PACRGL: variants seen among roughly 807,000 people sequenced by gnomAD.
The protein encoded by PACRGL is parkin coregulated like.
PACRGL carries 38 observed loss-of-function variants against 34.5 expected under a neutral mutation model. The ratio of observed to expected loss-of-function variants is 1.10; its 90% CI spans 0.85 to 1.44. The LOEUF (loss-of-function observed/expected upper bound fraction) is 1.44, where lower values mean the gene tolerates loss of function less well. Ranked by LOEUF, PACRGL falls within the 40% of genes most tolerant of loss-of-function variation. PACRGL has a pLI of 0.00. For missense variants in PACRGL, 305 were observed against 281.4 expected (o/e 1.08, Z -0.60); for synonymous variants, 128 against 100.1 (o/e 1.28, Z -1.66).
the PACRGL span, among the ~76,000 whole-genome samples, chr4:20,765,884 C>T: frequency 2.0e-5 from 3 of 152,142 alleles, no homozygotes; most frequent in African/African-American, 7.2e-5. Flanking sequence ...TCCTCTCAGG[C>T]CATGTGGGGA....
At chr4:20,734,064 T>C (rs1749012171), downstream of PACRGL, among the ~76,000 whole-genome samples, 1 of 152,186 alleles carries the variant, frequency 6.6e-6, no homozygotes. Context: ...TTCAACCCCA[T>C]TTGCAGCCTG....
At chr4:20,749,283 C>A (rs1753132315) in intron 8 of PACRGL, among the ~76,000 whole-genome samples, 2 of 152,104 alleles carry the variant, frequency 1.3e-5, no homozygotes, top group Admixed American at 1.3e-4. Context: ...TGCCTGTGTG[C>A]CCCACTTACT....
chr4:20,711,083 A>AG lies in PACRGL; in HGVS notation c.366+1310_366+1311insG, dbSNP rs1475617717. 1.4e-3 allele frequency among the ~76,000 whole-genome samples: 217 copies of AG among 152,092 alleles called. 2 individuals are homozygous for AG. The highest frequency in any genetic ancestry group is 2.0e-3 in the Non-Finnish European group (138 of 67,986). On this transcript the variant is annotated intron_variant, in intron 5 of 8. Coordinates refer to ENST00000503585, the MANE Select transcript of PACRGL (RefSeq NM_001258345.3). ...GCACAGTAGAGTGAGATGCTATCTC[A>AG]AACACACACACACACAAAATTAGTT...
chr4:20,741,752 A>C (rs1057227055), intron 8 of PACRGL, among the ~76,000 whole-genome samples: 3 of 152,208 alleles, frequency 2.0e-5, no homozygotes, highest in African/African-American at 7.2e-5. Context: ...AGACACAAAA[A>C]ACCCTTCAAA....
At chr4:20,718,209 A>G (rs1329066385) in intron 7 of PACRGL, among the ~76,000 whole-genome samples, 1 of 152,174 alleles carries the variant, frequency 6.6e-6, no homozygotes, top group Non-Finnish European at 1.5e-5. Flanking sequence ...TGAGTTGCTT[A>G]TCAGCTTAAG....
In PACRGL at chr4:20,731,999, T is replaced by G; in HGVS notation, c.*4658T>G. 1 of 1,613,202 alleles carries G rather than the reference T, an allele frequency of 6.2e-7. No individual in the cohort carries two copies. Among genetic ancestry groups the G allele is most frequent in the African/African-American group, 1.3e-5 (1 of 75,010 alleles). On this transcript the variant is annotated 3_prime_UTR_variant, in exon 9 of 9. Coordinates refer to ENST00000503585, the MANE Select transcript of PACRGL (RefSeq NM_001258345.3). ...GAATTGATAGTTATTACACTTTCAT[T>G]ACTTACTTTTTGGCAGCTTTCAATG...
Position 20,712,856 on chromosome 4 carries a change from CA to C in PACRGL, c.438del (p.Gly147ValfsTer13). The C allele has an allele frequency of 6.2e-7, 1 of 1,605,326 alleles. No homozygotes were observed. The highest frequency in any genetic ancestry group is 1.7e-5 in the Admixed American group (1 of 59,602). ...KEGFRELLLV[K>X]GAPEKAIPLL... Reference sequence around the variant, plus strand: ...AGGGTTTTAGAGAATTACTTTTGGTCAAAGGTGCTCCTGAAAAAGCTATTCC... The same window carrying C: ...AGGGTTTTAGAGAATTACTTTTGGTCAAGGTGCTCCTGAAAAAGCTATTCC... On this transcript the variant is annotated frameshift_variant, in exon 6 of 9. Transcript: ENST00000503585. LOFTEE classifies it high-confidence loss of function.
the PACRGL span, among the ~76,000 whole-genome samples, chr4:20,759,476 G>T: frequency 4.6e-5 from 7 of 152,254 alleles, no homozygotes; most frequent in African/African-American, 9.6e-5. Flanking sequence ...AGTCTGCAAA[G>T]AAATGGCCTG....
chr4:20,723,969 C>T (rs567572925), intron 7 of PACRGL, among the ~76,000 whole-genome samples: 1 of 152,152 alleles, frequency 6.6e-6, no homozygotes, highest in Admixed American at 6.5e-5. Context: ...ACATTTCAGC[C>T]TCAAAGCCTT....
intron 8 of PACRGL, among the ~76,000 whole-genome samples, chr4:20,750,850 A>G (rs1399170310): frequency 6.6e-6 from 1 of 152,046 alleles, no homozygotes; most frequent in Non-Finnish European, 1.5e-5. Flanking sequence ...TCTGTTTTAA[A>G]TCTCATCTAT....
downstream of PACRGL, among the ~76,000 whole-genome samples, chr4:20,735,260 G>C (rs1360199318): frequency 1.3e-5 from 2 of 152,292 alleles, no homozygotes; most frequent in Non-Finnish European, 2.9e-5. Context: ...TCACCCTCCA[G>C]CTATATTACT....
chr4:20,724,898 A>G lies in PACRGL; in HGVS notation c.690+10A>G. 7.1e-7 allele frequency: 1 copy of G among 1,416,966 alleles called. No individual in the cohort carries two copies. The highest frequency in any genetic ancestry group is 1.5e-5 in the South Asian group (1 of 66,760). 87.8% of individuals were successfully genotyped at this position (1,416,966 alleles called of 1,614,324 possible). On this transcript the variant is annotated intron_variant, in intron 8 of 8. Coordinates refer to ENST00000503585, the MANE Select transcript of PACRGL (RefSeq NM_001258345.3). ...GCAACATGGTGGAAGTGTAAGTAGA[A>G]TATTATTCCTTAAGTCTTTTTTTTT... is the stretch of plus-strand genomic sequence containing the variant.
intron 8 of PACRGL, among the ~76,000 whole-genome samples, chr4:20,743,482 T>C (rs1266104719): frequency 6.6e-6 from 1 of 152,172 alleles, no homozygotes; most frequent in African/African-American, 2.4e-5. Flanking sequence ...TACAACCATC[T>C]GATCTTTGAC....
chr4:20,763,357 A>G, the PACRGL span, among the ~76,000 whole-genome samples: 2 of 152,202 alleles, frequency 1.3e-5, no homozygotes, highest in African/African-American at 4.8e-5. Flanking sequence ...GTGAGTGTAC[A>G]GATCAGCTGA....
intron 8 of PACRGL, among the ~76,000 whole-genome samples, chr4:20,749,981 C>G (rs901080534): frequency 6.6e-6 from 1 of 152,142 alleles, no homozygotes; most frequent in Non-Finnish European, 1.5e-5. Context: ...ATGCTGTAGT[C>G]TTGGGTGATG....
At chr4:20,759,035 C>T in the PACRGL span, 1 of 602,754 alleles carries the variant, frequency 1.7e-6, no homozygotes, top group Non-Finnish European at 2.9e-6. Context: ...GGAATAAAAG[C>T]ACACTATAAA....
chr4:20,707,271 C>CCTT (rs1183579306), intron 3 of PACRGL, among the ~76,000 whole-genome samples: 2,487 of 152,182 alleles, frequency 0.016, 1 homozygote, highest in African/African-American at 0.057. Context: ...TATAGCAAAA[C>CCTT]TGAAAGGTTA....
chr4:20,729,709 T>G lies in PACRGL; in HGVS notation c.*2368T>G, dbSNP rs12640448. The G allele has an allele frequency of 6.0e-6, 1 of 167,604 alleles. No individual in the cohort carries two copies. Among genetic ancestry groups the G allele is most frequent in the African/African-American group, 2.4e-5 (1 of 42,082 alleles). 10.4% of individuals were successfully genotyped at this position (167,604 alleles called of 1,614,324 possible). On this transcript the variant is annotated 3_prime_UTR_variant, in exon 9 of 9. Coordinates refer to ENST00000503585, the MANE Select transcript of PACRGL (RefSeq NM_001258345.3). ...CACTATATTAGAAAACCATTCAAAA[T>G]CCTAGGACTGAATACATACAAATGA...
chr4:20,734,824 C>G, downstream of PACRGL: 1 of 639,460 alleles, frequency 1.6e-6, no homozygotes. Flanking sequence ...GGCTACAACC[C>G]TCTGGATCTT....
Sources: allele counts gnomAD v4.1 joint callset (sites outside exome capture counted in the v4.1 genomes callset), GRCh38; gene constraint gnomAD v4.1.1; transcripts MANE v1.5; gene names NCBI Gene and HGNC (gene_info 2026-07-23, HGNC 2026-07-21).